TANGO6: variants seen among roughly 807,000 people sequenced by gnomAD.
TANGO6 encodes the protein transport and golgi organization 6 homolog.
TANGO6 carries 90 observed loss-of-function variants against 114.2 expected under a neutral mutation model. That is an observed-to-expected ratio of 0.79 (90% CI 0.66 to 0.94). The LOEUF (loss-of-function observed/expected upper bound fraction) is 0.94, where lower values mean the gene tolerates loss of function less well. Among genes scored for constraint, TANGO6 ranks in the 40% least tolerant of loss-of-function variants. TANGO6 has a pLI of 0.00. For synonymous variants in TANGO6, 477 were observed against 509.8 expected, an observed-to-expected ratio of 0.94 and a Z score of 0.87; for missense variants, 1,274 against 1,315.3, an observed-to-expected ratio of 0.97 and a Z score of 0.49.
intron 17 of TANGO6, among the ~76,000 whole-genome samples, chr16:69,074,712 A>G (rs1960345679): frequency 6.6e-6 from 1 of 151,934 alleles, no homozygotes; most frequent in South Asian, 2.1e-4. Context: ...GGTTAGGAAT[A>G]CCTAACTTTC....
chr16:69,052,717 C>T (rs1231103539), intron 17 of TANGO6, among the ~76,000 whole-genome samples: 24 of 152,112 alleles, frequency 1.6e-4, no homozygotes, highest in Admixed American at 1.5e-3. Context: ...GCTGGATGTC[C>T]AAGCTGAAAT....
intron 15 of TANGO6, among the ~76,000 whole-genome samples, chr16:69,007,866 C>G (rs566463382): frequency 6.6e-6 from 1 of 152,272 alleles, no homozygotes; most frequent in East Asian, 1.9e-4. Flanking sequence ...AATGATATCT[C>G]ATTATGGTTT....
In TANGO6 at chr16:68,927,525, G is replaced by T. The variant is rs369456891; in HGVS notation, c.2128-43G>T. The T allele has an allele frequency of 5.1e-4, 804 of 1,590,150 alleles. 1 individual carries two copies. Among genetic ancestry groups the T allele is most frequent in the Non-Finnish European group, 6.4e-4 (751 of 1,165,972 alleles). On this transcript the variant is annotated intron_variant, in intron 12 of 17. Coordinates refer to ENST00000261778, the MANE Select transcript of TANGO6 (RefSeq NM_024562.2). ...TGGTGCTCAGGTCATATTGAAATTT[G>T]CTATGTTAATTTGGGTTTGACATTT...
At chr16:68,990,599 G>T (rs1963938277) in intron 15 of TANGO6, among the ~76,000 whole-genome samples, 1 of 152,068 alleles carries the variant, frequency 6.6e-6, no homozygotes, top group Admixed American at 6.6e-5. Context: ...TAGAGACAGG[G>T]TCTCACTATG....
intron 17 of TANGO6, among the ~76,000 whole-genome samples, chr16:69,081,513 T>A (rs1047158959): frequency 1.3e-5 from 2 of 151,752 alleles, no homozygotes; most frequent in Admixed American, 1.3e-4. Flanking sequence ...CTGCTAATTT[T>A]TATTTTTAGT....
intron 6 of TANGO6, 68 bp downstream of exon 6, chr16:68,878,348 G>T: frequency 1.3e-6 from 2 of 1,491,768 alleles, no homozygotes; most frequent in Admixed American, 4.8e-5. Context: ...ACGTTGAAAT[G>T]ATTTAAATCT....
chr16:68,898,946 C>CTTATTA (rs143073228), intron 7 of TANGO6, among the ~76,000 whole-genome samples: 11,535 of 144,844 alleles, frequency 0.08, 522 homozygotes, highest in African/African-American at 0.12. Context: ...AATTATCTGC[C>CTTATTA]TTATTATTAT....
rs1371283782 is a variant in TANGO6, at chr16:68,880,568, G to A, written c.1315G>A (p.Val439Ile). ...NTAELSESDM[V>I]PGTILVTEEE... ...TCTAGAGCTTTCAGAGAGTGACATG[G>A]TACCAGGAACTATTTTGGTGACAGA... is the stretch of plus-strand genomic sequence containing the variant. The change falls in exon 7 of 18, where the codon GTA (valine) becomes ATA (isoleucine). Residue 439 changes from valine (V) to isoleucine (I), a missense_variant. Coordinates refer to ENST00000261778, the MANE Select transcript of TANGO6 (RefSeq NM_024562.2). 10 of 1,612,508 alleles carry A rather than the reference G, an allele frequency of 6.2e-6. No homozygotes were observed. The highest frequency in any genetic ancestry group is 8.5e-6 in the Non-Finnish European group (10 of 1,179,164).
chr16:68,991,382 G>A (rs1963944678), intron 15 of TANGO6, among the ~76,000 whole-genome samples: 1 of 152,204 alleles, frequency 6.6e-6, no homozygotes, highest in Non-Finnish European at 1.5e-5. Flanking sequence ...TAGGGAGGCT[G>A]AGGTGGGTGG....
At chr16:68,913,360 G>A (rs1274995809) in intron 11 of TANGO6, among the ~76,000 whole-genome samples, 1 of 151,246 alleles carries the variant, frequency 6.6e-6, no homozygotes, top group Non-Finnish European at 1.5e-5. Flanking sequence ...GTCTGCATGT[G>A]GAGAAGCCAA....
intron 14 of TANGO6, among the ~76,000 whole-genome samples, chr16:68,950,566 A>G (rs1350975744): frequency 6.6e-6 from 1 of 150,378 alleles, no homozygotes; most frequent in East Asian, 2.0e-4. Flanking sequence ...CTCTGTTTTA[A>G]AAAAAAAATT....
intron 13 of TANGO6, 33 bp downstream of exon 13, chr16:68,928,116 AC>A: frequency 4.6e-6 from 7 of 1,528,308 alleles, no homozygotes; most frequent in Non-Finnish European, 5.3e-6. Context: ...ACACATGGGC[AC>A]AGGGTGGGGC....
chr16:68,915,749 T>C (rs1018753919), intron 11 of TANGO6, among the ~76,000 whole-genome samples: 7 of 152,234 alleles, frequency 4.6e-5, no homozygotes, highest in Non-Finnish European at 1.0e-4. Flanking sequence ...GTGGAACTTT[T>C]AATAACCTTT....
intron 1 of TANGO6, 116 bp downstream of exon 1, chr16:68,843,827 G>T (rs1268326609): frequency 5.3e-6 from 5 of 943,720 alleles, no homozygotes; most frequent in Non-Finnish European, 6.6e-6. Context: ...GGGACCCTCC[G>T]CCCGCTGCTG....
At chr16:68,926,527 AT>A (rs905405630) in intron 12 of TANGO6, among the ~76,000 whole-genome samples, 46 of 150,188 alleles carry the variant, frequency 3.1e-4, no homozygotes, top group African/African-American at 1.1e-3. Flanking sequence ...AATAAAAAGG[AT>A]TTTTTTTTCT....
chr16:68,897,470 A>G (rs1962720800), intron 7 of TANGO6, among the ~76,000 whole-genome samples: 1 of 152,226 alleles, frequency 6.6e-6, no homozygotes, highest in Non-Finnish European at 1.5e-5. Context: ...AATAATATAT[A>G]CGTATAAATA....
In TANGO6 at chr16:69,045,156, C is replaced by CAAA. The variant is rs34165608; in HGVS notation, c.3108+4750_3108+4752dup. 3.4e-3 allele frequency among the ~76,000 whole-genome samples: 296 copies of CAAA among 88,314 alleles called. 4 individuals carry two copies. In the South Asian group the frequency reaches 0.045, roughly 13 times the overall value. 57.9% of individuals were successfully genotyped at this position (88,314 alleles called of 152,430 possible). On this transcript the variant is annotated intron_variant, in intron 17 of 17. Coordinates refer to ENST00000261778, the MANE Select transcript of TANGO6 (RefSeq NM_024562.2). ...GGGCGACAGAGGGAGACTCTTGTCT[C>CAAA]AAAAAAAAAAAAAAAAAGCTGGGCG...
intron 14 of TANGO6, among the ~76,000 whole-genome samples, chr16:68,967,925 G>A (rs150648588): frequency 4.9e-4 from 75 of 152,238 alleles, no homozygotes; most frequent in African/African-American, 1.7e-3. Flanking sequence ...GAATCACTGA[G>A]TAACACGCTG....
intron 13 of TANGO6, among the ~76,000 whole-genome samples, chr16:68,928,306 T>C (rs929649055): frequency 7.0e-6 from 1 of 142,114 alleles, no homozygotes; most frequent in Non-Finnish European, 1.5e-5. Context: ...CAATTTTTTT[T>C]TTTTTTTTTT....
Sources: allele counts gnomAD v4.1 joint callset (sites outside exome capture counted in the v4.1 genomes callset), GRCh38; gene constraint gnomAD v4.1.1; transcripts MANE v1.5; gene names NCBI Gene and HGNC (gene_info 2026-07-23, HGNC 2026-07-21).